Variants in SKAP1 observed in about 807,000 individuals in gnomAD.
SKAP1 encodes the protein src kinase-associated phosphoprotein 1.
In SKAP1, 44 loss-of-function variants were observed where a neutral mutation model predicts 58.5. The ratio of observed to expected loss-of-function variants is 0.75; its 90% CI spans 0.59 to 0.97. The LOEUF (loss-of-function observed/expected upper bound fraction) is 0.97. Ranked by LOEUF, SKAP1 falls within the 50% of genes least tolerant of loss-of-function variation. The pLI, the probability that SKAP1 is intolerant of heterozygous loss-of-function variation, is 0.00. For missense variants in SKAP1, 390 were observed against 435.2 expected (o/e 0.90, Z 0.92); for synonymous variants, 127 against 149.7 (o/e 0.85, Z 1.11).
intron 4 of SKAP1, among the ~76,000 whole-genome samples, chr17:48,292,496 T>A (rs1180787869): frequency 6.6e-6 from 1 of 151,862 alleles, no homozygotes; most frequent in Non-Finnish European, 1.5e-5. Flanking sequence ...AAAGAAAAAA[T>A]ACATATTTTA....
At chr17:48,220,408 C>T (rs2064988216) in intron 4 of SKAP1, among the ~76,000 whole-genome samples, 1 of 152,102 alleles carries the variant, frequency 6.6e-6, no homozygotes, top group African/African-American at 2.4e-5. Flanking sequence ...ACGGACAATC[C>T]TCACAAATAT....
At chr17:48,244,284 G>A (rs1299132926) in intron 4 of SKAP1, among the ~76,000 whole-genome samples, 1 of 152,064 alleles carries the variant, frequency 6.6e-6, no homozygotes, top group African/African-American at 2.4e-5. Flanking sequence ...CAGTAACAAA[G>A]TCCTTCCTTC....
rs530284533 is a variant in SKAP1, at chr17:48,277,717, A to G, written c.280+68188T>C. 3.3e-5 allele frequency among the ~76,000 whole-genome samples: 5 copies of G among 152,328 alleles called. No homozygotes were observed. In the South Asian group the frequency reaches 1.0e-3, roughly 32 times the overall value. ...AAGACAGGGTCTTGCTCTGTTGCCC[A>G]GGCTCCCAAGTAGCTTAGGACTACA... On this transcript the variant is annotated intron_variant, in intron 4 of 12. Coordinates refer to ENST00000336915, the MANE Select transcript of SKAP1 (RefSeq NM_003726.4).
intron 4 of SKAP1, among the ~76,000 whole-genome samples, chr17:48,224,545 T>C (rs1199436163): frequency 6.6e-6 from 1 of 152,240 alleles, no homozygotes; most frequent in African/African-American, 2.4e-5. Context: ...AACTATTCCA[T>C]TTTTCAAATA....
chr17:48,195,775 C>T (rs1208984252), intron 4 of SKAP1, among the ~76,000 whole-genome samples: 1 of 152,162 alleles, frequency 6.6e-6, no homozygotes, highest in Non-Finnish European at 1.5e-5. Flanking sequence ...CAGAAGACAA[C>T]TTTCATGAGA....
At chr17:48,221,937 T>C (rs1039864118) in intron 4 of SKAP1, among the ~76,000 whole-genome samples, 1 of 152,182 alleles carries the variant, frequency 6.6e-6, no homozygotes, top group South Asian at 2.1e-4. Flanking sequence ...CTCCTGATGA[T>C]AAAGGAGGGA....
chr17:48,383,866 G>A (rs1050787301), intron 2 of SKAP1, among the ~76,000 whole-genome samples: 5 of 151,676 alleles, frequency 3.3e-5, no homozygotes, highest in East Asian at 1.9e-4. Flanking sequence ...ACAGGCGCCC[G>A]CCATCATCAT....
At chr17:48,238,872 G>C (rs2957935) in intron 4 of SKAP1, among the ~76,000 whole-genome samples, 18,218 of 152,156 alleles carry the variant, frequency 0.12, 1,607 homozygotes, top group East Asian at 0.43. Context: ...TGGAAGGCTA[G>C]TAGGTTATTT....
intron 11 of SKAP1, among the ~76,000 whole-genome samples, chr17:48,142,491 CA>C (rs1333912823): frequency 6.6e-6 from 1 of 151,938 alleles, no homozygotes; most frequent in African/African-American, 2.4e-5. Flanking sequence ...ACAAAACAAA[CA>C]AAAAAACTTG....
intron 10 of SKAP1, among the ~76,000 whole-genome samples, chr17:48,169,151 C>T (rs1260828826): frequency 6.6e-6 from 1 of 151,252 alleles, no homozygotes; most frequent in African/African-American, 2.4e-5. Flanking sequence ...GCTGTAGGAA[C>T]AGTTAAGAAA....
At chr17:48,287,819 G>A (rs2065850522) in intron 4 of SKAP1, among the ~76,000 whole-genome samples, 1 of 152,186 alleles carries the variant, frequency 6.6e-6, no homozygotes, top group Non-Finnish European at 1.5e-5. Flanking sequence ...ACAAACGCAA[G>A]TGGAAAAGAA....
In SKAP1 at chr17:48,244,080, A is replaced by T. The variant is rs559407286; in HGVS notation, c.281-54580T>A. ...AAATCAAGCTACACTAATTCTACTT[A>T]TAATAATGTTAGAAAATGGTTAGCC... On this transcript the variant is annotated intron_variant, in intron 4 of 12. Coordinates refer to ENST00000336915, the MANE Select transcript of SKAP1 (RefSeq NM_003726.4). 2.0e-5 allele frequency among the ~76,000 whole-genome samples: 3 copies of T among 152,372 alleles called. No homozygotes were observed. In the South Asian group the frequency reaches 6.2e-4, roughly 32 times the overall value.
chr17:48,412,512 C>T (rs953659632), intron 1 of SKAP1, among the ~76,000 whole-genome samples: 2 of 152,024 alleles, frequency 1.3e-5, no homozygotes, highest in African/African-American at 2.4e-5. Context: ...CAGCTCAAGT[C>T]GTTGTGAAAA....
At chr17:48,303,634 A>G (rs1272356283) in intron 4 of SKAP1, among the ~76,000 whole-genome samples, 1 of 152,164 alleles carries the variant, frequency 6.6e-6, no homozygotes, top group Non-Finnish European at 1.5e-5. Flanking sequence ...GAACCATCTT[A>G]TGTCAGAAAA....
chr17:48,241,919 A>G (rs1208838035), intron 4 of SKAP1, among the ~76,000 whole-genome samples: 3 of 152,194 alleles, frequency 2.0e-5, no homozygotes, highest in Admixed American at 6.5e-5. Context: ...AATGATGTCA[A>G]GATATCAAGG....
At chr17:48,408,429 C>A (rs950575255) in intron 1 of SKAP1, among the ~76,000 whole-genome samples, 2 of 152,050 alleles carry the variant, frequency 1.3e-5, no homozygotes, top group African/African-American at 4.8e-5. Context: ...TATAAACTAT[C>A]CCAGAGCATA....
At chr17:48,415,335 C>CA (rs977787471) in intron 1 of SKAP1, among the ~76,000 whole-genome samples, 5 of 135,036 alleles carry the variant, frequency 3.7e-5, no homozygotes, top group South Asian at 2.2e-4. Context: ...CACCCTTTGG[C>CA]AAAAAAAAAT....
intron 4 of SKAP1, among the ~76,000 whole-genome samples, chr17:48,220,709 C>T (rs921435147): frequency 2.6e-5 from 4 of 151,764 alleles, no homozygotes; most frequent in East Asian, 3.9e-4. Context: ...ATACAAAAGC[C>T]GGGCGTGGTT....
chr17:48,325,248 CAAAAAAAAAAAAAAA>C (rs200281665), intron 4 of SKAP1, among the ~76,000 whole-genome samples: 68 of 91,454 alleles, frequency 7.4e-4, no homozygotes, highest in Admixed American at 2.1e-3. Context: ...GACTCCGTCT[CAAAAAAAAAAAAAAA>C]AAAAAAAAAA....
Sources: allele counts gnomAD v4.1 joint callset (sites outside exome capture counted in the v4.1 genomes callset), GRCh38; gene constraint gnomAD v4.1.1; transcripts MANE v1.5; gene names NCBI Gene and HGNC (gene_info 2026-07-23, HGNC 2026-07-21).